LRRC3B: variants seen among roughly 807,000 people sequenced by gnomAD.
LRRC3B encodes leucine rich repeat containing 3B.
A neutral mutation model predicts 12.8 loss-of-function variants in LRRC3B; 2 were observed. That is an observed-to-expected ratio of 0.16 (90% CI 0.06 to 0.49). The LOEUF is 0.49. Ranked by LOEUF, LRRC3B falls within the 20% of genes least tolerant of loss-of-function variation. LRRC3B has a pLI of 0.96. For synonymous variants in LRRC3B, 132 were observed against 122.0 expected (o/e 1.08, Z -0.54); for missense variants, 189 against 319.4 (o/e 0.59, Z 3.11).
chr3:26,698,607 A>G (rs918091061), intron 1 of LRRC3B, among the ~76,000 whole-genome samples: 2 of 152,138 alleles, frequency 1.3e-5, no homozygotes, highest in African/African-American at 4.8e-5. Flanking sequence ...TTTACTTGAA[A>G]AATTTGAAAC....
At position 26,709,576 on chromosome 3, in the gene LRRC3B, G is replaced by T; in HGVS notation, c.-97G>T. On this transcript the variant is annotated 5_prime_UTR_variant, in exon 2 of 2. Transcript: ENST00000396641. ...TGTTAGCTGCAGCCTTTTGAAACAC[G>T]CAAGAAGGAAATCAATAGTGTGGAC... 4 of 1,228,630 alleles carry T rather than the reference G, an allele frequency of 3.3e-6. 1 individual carries two copies. The South Asian group carries it at 5.7e-5, about 18-fold the overall frequency. 76.1% of individuals were successfully genotyped at this position (1,228,630 alleles called of 1,614,324 possible). A position where few individuals can be genotyped will look rare whatever the true frequency, so the allele number is the denominator to read the frequency against.
chr3:26,690,199 T>C (rs1246971217), intron 1 of LRRC3B, among the ~76,000 whole-genome samples: 2 of 152,180 alleles, frequency 1.3e-5, no homozygotes, highest in Non-Finnish European at 2.9e-5. Flanking sequence ...GGCCATAAAA[T>C]TTGTGACTTC....
intron 1 of LRRC3B, among the ~76,000 whole-genome samples, chr3:26,678,296 C>T (rs1389175059): frequency 6.6e-6 from 1 of 151,898 alleles, no homozygotes; most frequent in East Asian, 1.9e-4. Flanking sequence ...GAGTTTGAGA[C>T]CAGCCTGGTC....
exon 2 of LRRC3B, chr3:26,710,518 T>C: frequency 6.9e-7 from 1 of 1,443,408 alleles, no homozygotes; most frequent in Non-Finnish European, 9.3e-7. Context: ...AATAAGTGGT[T>C]TACTTCTCCC....
chr3:26,679,975 C>A (rs539000710), intron 1 of LRRC3B, among the ~76,000 whole-genome samples: 1 of 152,344 alleles, frequency 6.6e-6, no homozygotes, highest in African/African-American at 2.4e-5. Context: ...CCATCCTCTA[C>A]AGAGCTCACT....
At chr3:26,706,559 T>C (rs1282066136) in intron 1 of LRRC3B, among the ~76,000 whole-genome samples, 1 of 152,166 alleles carries the variant, frequency 6.6e-6, no homozygotes, top group Non-Finnish European at 1.5e-5. Context: ...TCACAAGCAT[T>C]ACATCCAGTT....
At chr3:26,659,129 T>C (rs1057275631) in intron 1 of LRRC3B, among the ~76,000 whole-genome samples, 1 of 152,230 alleles carries the variant, frequency 6.6e-6, no homozygotes, top group Non-Finnish European at 1.5e-5. Flanking sequence ...ATATGTATGC[T>C]GCCAAACACT....
intron 1 of LRRC3B, chr3:26,624,366 G>C (rs548094167): frequency 2.0e-5 from 3 of 152,834 alleles, no homozygotes; most frequent in African/African-American, 7.2e-5. Context: ...CAGGTCGGTA[G>C]ACCCACGCCC....
At chr3:26,705,035 G>GA (rs1222504191) in intron 1 of LRRC3B, among the ~76,000 whole-genome samples, 2 of 152,114 alleles carry the variant, frequency 1.3e-5, no homozygotes, top group Non-Finnish European at 2.9e-5. Flanking sequence ...ACTTATCTCA[G>GA]AAGGGTTAAT....
intron 1 of LRRC3B, among the ~76,000 whole-genome samples, chr3:26,684,281 G>T (rs1483553930): frequency 6.6e-6 from 1 of 152,192 alleles, no homozygotes; most frequent in Non-Finnish European, 1.5e-5. Context: ...CTGAAATTAA[G>T]TCAGCCTCAA....
At chr3:26,686,141 G>A (rs1559366937) in intron 1 of LRRC3B, among the ~76,000 whole-genome samples, 2 of 151,830 alleles carry the variant, frequency 1.3e-5, no homozygotes, top group Admixed American at 6.6e-5. Context: ...GTGCAGTGGT[G>A]CAATTGTGGC....
chr3:26,656,225 G>C (rs772098206), intron 1 of LRRC3B, among the ~76,000 whole-genome samples: 37 of 152,200 alleles, frequency 2.4e-4, no homozygotes, highest in Non-Finnish European at 3.8e-4. Context: ...TGACACGCAG[G>C]ATGGTTGCAT....
chr3:26,710,329 A>T (rs201908707), exon 2 of LRRC3B: 1 of 1,613,988 alleles, frequency 6.2e-7, no homozygotes. Flanking sequence ...TGGTGATCTC[A>T]TATGTGGTAT....
intron 1 of LRRC3B, among the ~76,000 whole-genome samples, chr3:26,676,957 G>GTGTT (rs936906703): frequency 1.3e-5 from 2 of 151,662 alleles, no homozygotes; most frequent in African/African-American, 2.4e-5. Flanking sequence ...TAGAATGGAG[G>GTGTT]TGTTAGTACT....
At chr3:26,674,873 C>T (rs187027504) in intron 1 of LRRC3B, among the ~76,000 whole-genome samples, 3 of 152,224 alleles carry the variant, frequency 2.0e-5, no homozygotes, top group African/African-American at 7.2e-5. Flanking sequence ...TCAGTGTAGA[C>T]CAGGGCCTGT....
At chr3:26,653,423 C>T (rs1179271786) in intron 1 of LRRC3B, among the ~76,000 whole-genome samples, 1 of 152,098 alleles carries the variant, frequency 6.6e-6, no homozygotes, top group Non-Finnish European at 1.5e-5. Flanking sequence ...CTTGGATATA[C>T]ATGTGAGTTC....
At chr3:26,699,059 G>GT (rs1246522474) in intron 1 of LRRC3B, among the ~76,000 whole-genome samples, 1 of 151,488 alleles carries the variant, frequency 6.6e-6, no homozygotes, top group African/African-American at 2.4e-5. Context: ...TTTTATTTTT[G>GT]TTTTTTGTTT....
At chr3:26,683,886 C>G (rs1032565892) in intron 1 of LRRC3B, among the ~76,000 whole-genome samples, 7 of 152,294 alleles carry the variant, frequency 4.6e-5, no homozygotes, top group Non-Finnish European at 1.0e-4. Context: ...AGCACTTTGT[C>G]AGACAAATCT....
intron 1 of LRRC3B, among the ~76,000 whole-genome samples, chr3:26,647,887 C>T (rs559125934): frequency 6.6e-6 from 1 of 152,240 alleles, no homozygotes; most frequent in South Asian, 2.1e-4. Flanking sequence ...ATATAGCTTC[C>T]CCGCGCCAAG....
Sources: allele counts gnomAD v4.1 joint callset (sites outside exome capture counted in the v4.1 genomes callset), GRCh38; gene constraint gnomAD v4.1.1; transcripts MANE v1.5; gene names NCBI Gene and HGNC (gene_info 2026-07-23, HGNC 2026-07-21).